The following DNAH5 variants were observed in gnomAD, a reference collection of about 807,000 sequenced individuals.
DNAH5 encodes the protein axonemal beta dynein heavy chain 5.
DNAH5 carries 372 observed loss-of-function variants against 518.2 expected under a neutral mutation model. The observed-to-expected ratio is 0.72, with a 90% confidence interval of 0.66 to 0.78. The LOEUF is 0.78. Among genes scored for constraint, DNAH5 ranks in the 30% least tolerant of loss-of-function variants. The probability of loss-of-function intolerance (pLI) is 0.00; values close to 1 mark genes in which losing one functional copy is unlikely to be tolerated. For synonymous variants in DNAH5, 2,039 were observed against 2,025.9 expected (o/e 1.01, Z -0.17); for missense variants, 5,523 against 5,687.0 (o/e 0.97, Z 0.93).
At chr5:13,923,520 T>A in intron 3 of DNAH5, 80 bp from the exon 4 acceptor site, 1 of 1,517,700 alleles carries the variant, frequency 6.6e-7, no homozygotes, top group Non-Finnish European at 9.0e-7. Context: ...GTTTCCTTGT[T>A]AAAATATTGC....
intron 73 of DNAH5, among the ~76,000 whole-genome samples, 190 bp downstream of exon 73, chr5:13,717,125 A>G (rs931856605): frequency 2.6e-5 from 4 of 152,194 alleles, no homozygotes; most frequent in Non-Finnish European, 4.4e-5. Flanking sequence ...AAATAAAATA[A>G]TAATCAAAAT....
rs560267080 is a variant in DNAH5 at position 13,883,039 on chromosome 5, G to A, written c.3039C>T (p.Ser1013=). 44 of 1,614,144 alleles carry A rather than the reference G, an allele frequency of 2.7e-5. No individual in the cohort carries two copies. The highest frequency in any genetic ancestry group is 6.7e-5 in the East Asian group (3 of 44,888). ...KQNSLPIFRA[S]VTLAIPNIVM... is the part of the protein sequence containing the mutation. ...CGATGTTGGGAATGGCCAGAGTGAC[G>A]CTTGCCCGGAAAATGGGCAAACTGT... Residue 1013 remains serine (S), a synonymous_variant, in exon 20 of 79, where the codon AGC becomes AGT. Transcript: ENST00000265104.
intron 2 of DNAH5, 110 bp from the exon 3 acceptor site, chr5:13,928,288 C>G (rs991869480): frequency 1.3e-6 from 1 of 748,070 alleles, no homozygotes; most frequent in African/African-American, 1.7e-5. Context: ...CTTTCTTATT[C>G]AAACAGGACT....
At chr5:13,868,399 G>T (rs1033945760) in intron 24 of DNAH5, among the ~76,000 whole-genome samples, 3 of 152,102 alleles carry the variant, frequency 2.0e-5, no homozygotes, top group East Asian at 1.9e-4. Flanking sequence ...ATCAATCAGG[G>T]TTTTAACTCT....
In DNAH5 at chr5:13,850,759, T is replaced by C. The variant is rs755070627; in HGVS notation, c.5007A>G (p.Ala1669=). The C allele has an allele frequency of 6.2e-7, 1 of 1,614,200 alleles. No individual in the cohort carries two copies. Among genetic ancestry groups the C allele is most frequent in the Non-Finnish European group, 8.5e-7 (1 of 1,180,014 alleles). The part of the protein sequence containing the change: ...DKSWVKIMTR[A]HEVPSVVQCC... ...ACTGGACTACACTGGGCACTTCATG[T>C]GCCCGAGTCATGATCTTCACCCAAG... The change falls in exon 31 of 79, where the codon GCA becomes GCG. Residue 1669 remains alanine, a synonymous_variant. Coordinates refer to ENST00000265104, the MANE Select transcript of DNAH5 (RefSeq NM_001369.3).
At chr5:13,886,978 G>GA (rs1772526046) in intron 17 of DNAH5, among the ~76,000 whole-genome samples, 1 of 152,152 alleles carries the variant, frequency 6.6e-6, no homozygotes, top group Admixed American at 6.5e-5. Context: ...TTATTGGTTG[G>GA]AAAATCACAA....
chr5:13,773,434 G>T (rs1753623988), intron 55 of DNAH5, among the ~76,000 whole-genome samples: 1 of 152,042 alleles, frequency 6.6e-6, no homozygotes, highest in Non-Finnish European at 1.5e-5. Context: ...AAAGGATAAG[G>T]ATGATTAAAG....
At chr5:13,949,063 G>T (rs559856833), upstream of DNAH5, among the ~76,000 whole-genome samples, 16 of 152,088 alleles carry the variant, frequency 1.1e-4, no homozygotes, top group Non-Finnish European at 2.2e-4. Flanking sequence ...CTTGACAACC[G>T]GTAACAGAGA....
Position 13,920,596 on chromosome 5 carries a change from T to C in DNAH5, c.682A>G (p.Ile228Val), listed in dbSNP as rs1458756176. The C allele has an allele frequency of 3.1e-6, 5 of 1,614,070 alleles. No homozygotes were observed. The African/African-American group carries it at 5.3e-5, about 17-fold the overall frequency. ...TCCTTTAGGGTTTTCAGTTCAAGTA[T>C]GTCACACTTTCGAAGGTTCACCTAA... ...KEKVNLRKCD[I>V]LELKTLKEPT... The change falls in exon 6 of 79, where the codon ATA (isoleucine) becomes GTA (valine). Residue 228 changes from isoleucine (I) to valine (V), a missense_variant. Physicochemically the swap from Ile to Val is conservative, Grantham distance 29. Transcript: ENST00000265104.
intron 1 of DNAH5, among the ~76,000 whole-genome samples, chr5:13,994,313 C>G (rs1434659340): frequency 6.6e-6 from 1 of 152,104 alleles, no homozygotes; most frequent in African/African-American, 2.4e-5. Context: ...AACTTCCTCC[C>G]CAAAAAGGAA....
At chr5:13,959,404 G>T (rs1434454467) in intron 1 of DNAH5, among the ~76,000 whole-genome samples, 1 of 152,238 alleles carries the variant, frequency 6.6e-6, no homozygotes, top group Non-Finnish European at 1.5e-5. Flanking sequence ...CTTCGAGAAT[G>T]CCAGGTGGTG....
intron 38 of DNAH5, among the ~76,000 whole-genome samples, chr5:13,825,775 G>A (rs952627414): frequency 1.3e-5 from 2 of 152,142 alleles, no homozygotes; most frequent in African/African-American, 4.8e-5. Flanking sequence ...AAAAGTTACA[G>A]AGATCTATTT....
chr5:13,911,391 G>A lies in DNAH5; in HGVS notation c.1639C>T (p.Leu547Phe), dbSNP rs1775975227. The part of the protein sequence containing the change: ...YEEFCKQTND[L>F]HNELRKFMDV... ...AATTTTATTATACAACCTACATGAA[G>A]GTCATTAGTCTGCTTGCAAAACTCT... Residue 547 changes from leucine (L) to phenylalanine (F), a missense_variant, in exon 12 of 79, where the codon CTT becomes TTT. Physicochemically the swap from Leu to Phe is conservative, Grantham distance 22. This residue lies in a region of DNAH5 where 5,121 missense variants were observed against 5,223.3 expected (regional missense o/e 0.98). Transcript: ENST00000265104. 3 of 1,612,164 alleles carry A rather than the reference G, an allele frequency of 1.9e-6. No homozygotes were observed. Among genetic ancestry groups the A allele is most frequent in the Non-Finnish European group, 2.5e-6 (3 of 1,178,392 alleles).
At position 13,850,773 on chromosome 5, in the gene DNAH5, T is replaced by C. The variant is rs769991272; in HGVS notation, c.4993A>G (p.Ile1665Val). The change falls in exon 31 of 79, where the codon ATC (isoleucine) becomes GTC (valine). Residue 1665 changes from isoleucine to valine, a missense_variant. Transcript: ENST00000265104. ...GGCACTTCATGTGCCCGAGTCATGA[T>C]CTTCACCCAAGATTTATCTATGTTA... ...FSNIDKSWVKIMTRAHEVPSV... is the reference protein window; with the variant it reads ...FSNIDKSWVKVMTRAHEVPSV... 6.2e-7 allele frequency: 1 copy of C among 1,614,174 alleles called. No homozygotes were observed. Among genetic ancestry groups the C allele is most frequent in the East Asian group, 2.2e-5 (1 of 44,874 alleles).
At chr5:13,724,105 T>C (rs539991178) in intron 70 of DNAH5, among the ~76,000 whole-genome samples, 1 of 152,374 alleles carries the variant, frequency 6.6e-6, no homozygotes, top group Admixed American at 6.5e-5. Flanking sequence ...CATTTCTTCA[T>C]CTTCTTTTCT....
intron 60 of DNAH5, among the ~76,000 whole-genome samples, chr5:13,761,421 A>G (rs889311329): frequency 5.3e-5 from 8 of 151,982 alleles, no homozygotes; most frequent in Admixed American, 2.0e-4. Flanking sequence ...GTGAAACCCC[A>G]TCTCTACTAA....
At chr5:13,968,932 T>C (rs1781705785) in intron 1 of DNAH5, among the ~76,000 whole-genome samples, 1 of 152,168 alleles carries the variant, frequency 6.6e-6, no homozygotes, top group African/African-American at 2.4e-5. Context: ...CAGCTGTGAA[T>C]GCATCCATCT....
chr5:13,751,222 G>A lies in DNAH5; in HGVS notation c.11067C>T (p.Gly3689=). The A allele has an allele frequency of 6.2e-7, 1 of 1,613,820 alleles. No individual in the cohort carries two copies. The highest frequency in any genetic ancestry group is 8.5e-7 in the Non-Finnish European group (1 of 1,179,912). ...VGDKEVDVLD[G]FRLYITTKLP... The stretch of plus-strand genomic sequence containing the variant: ...ATTTGGTGGTAATGTAGAGTCTAAA[G>A]CCATCCAACACATCTACTTCCTTGT... Residue 3689 remains glycine (G), a synonymous_variant, in exon 65 of 79, where the codon GGC becomes GGT. Coordinates refer to ENST00000265104, the MANE Select transcript of DNAH5 (RefSeq NM_001369.3).
chr5:13,756,211 G>A (rs1429359164), intron 61 of DNAH5, among the ~76,000 whole-genome samples: 1 of 152,198 alleles, frequency 6.6e-6, no homozygotes, highest in Non-Finnish European at 1.5e-5. Flanking sequence ...ATGGTGAACT[G>A]CAGATTGGAA....
Sources: gnomAD v4.1 joint callset for allele counts (sites outside exome capture counted in the v4.1 genomes callset) on GRCh38, gnomAD v4.1.1 for gene constraint, gnomAD v4.1.1 regional missense constraint, MANE v1.5 for transcripts, NCBI Gene and HGNC (gene_info 2026-07-23, HGNC 2026-07-21) for gene names.